TENM3: variants seen among roughly 807,000 people sequenced by gnomAD.
The protein encoded by TENM3 is teneurin transmembrane protein 3, also known as teneurin-3.
TENM3 carries 63 observed loss-of-function variants against 255.1 expected under a neutral mutation model. The observed-to-expected ratio is 0.25, with a 90% confidence interval of 0.20 to 0.30. The LOEUF (loss-of-function observed/expected upper bound fraction) is 0.30, where lower values mean the gene tolerates loss of function less well. Ranked by LOEUF, TENM3 falls within the 10% of genes least tolerant of loss-of-function variation. The pLI is 1.00. For missense variants in TENM3, 2,929 were observed against 3,461.1 expected (o/e 0.85, Z 3.86); for synonymous variants, 1,306 against 1,322.3 (o/e 0.99, Z 0.27).
the TENM3 span, among the ~76,000 whole-genome samples, chr4:181,704,173 C>G: frequency 6.6e-6 from 1 of 152,130 alleles, no homozygotes; most frequent in East Asian, 1.9e-4. Context: ...TAAGCAATCG[C>G]GTTTGTATTT....
the TENM3 span, among the ~76,000 whole-genome samples, chr4:181,605,168 C>G: frequency 6.6e-6 from 1 of 151,456 alleles, no homozygotes; most frequent in Non-Finnish European, 1.5e-5. Flanking sequence ...GCAAACCAGC[C>G]GGCGTGGTGG....
chr4:182,403,483 A>G (rs1769341221), intron 3 of TENM3, among the ~76,000 whole-genome samples: 1 of 152,232 alleles, frequency 6.6e-6, no homozygotes, highest in Admixed American at 6.5e-5. Flanking sequence ...TGTCTCAAAG[A>G]ATTTTAGACA....
the TENM3 span, among the ~76,000 whole-genome samples, chr4:181,476,851 A>G: frequency 6.6e-6 from 1 of 152,192 alleles, no homozygotes. Flanking sequence ...TTTGTGCAGA[A>G]GGACAGTCTC....
At chr4:182,469,612 G>A (rs1042840346) in intron 3 of TENM3, among the ~76,000 whole-genome samples, 1 of 152,032 alleles carries the variant, frequency 6.6e-6, no homozygotes, top group South Asian at 2.1e-4. Context: ...TACTCAGGAG[G>A]CTGAGGCAAG....
At chr4:181,578,500 C>T in the TENM3 span, among the ~76,000 whole-genome samples, 15 of 152,306 alleles carry the variant, frequency 9.8e-5, no homozygotes, top group South Asian at 1.0e-3. Flanking sequence ...GTCCACTGCC[C>T]GCTGCGGAGA....
intron 11 of TENM3, among the ~76,000 whole-genome samples, 182 bp from the exon 12 acceptor site, chr4:182,687,984 T>C (rs998096874): frequency 2.6e-5 from 4 of 152,228 alleles, no homozygotes; most frequent in Admixed American, 2.0e-4. Context: ...AGTTCCACCA[T>C]TGATCATTTC....
chr4:182,326,497 T>C (rs1487964758), intron 2 of TENM3, among the ~76,000 whole-genome samples: 1 of 146,204 alleles, frequency 6.8e-6, no homozygotes, highest in Non-Finnish European at 1.5e-5. Context: ...TATCACCCTT[T>C]GATTTATTGC....
rs544542098 is a variant in TENM3, at chr4:182,586,472, G to A, written c.512-14452G>A. ...TCAAAGCAGCATAAAAGCATATATT[G>A]GGAAGAGGCTTTTAGTGTTGTATAC... On this transcript the variant is annotated intron_variant, in intron 3 of 27. Coordinates refer to ENST00000511685, the MANE Select transcript of TENM3 (RefSeq NM_001080477.4). Among the ~76,000 whole-genome samples the A allele has an allele frequency of 3.9e-5, 6 of 152,114 alleles. No individual in the cohort carries two copies. In the East Asian group the frequency reaches 1.2e-3, roughly 29 times the overall value.
At chr4:182,186,555 G>T (rs28649599) in intron 1 of TENM3, among the ~76,000 whole-genome samples, 14,401 of 150,568 alleles carry the variant, frequency 0.096, 905 homozygotes, top group Admixed American at 0.18. Flanking sequence ...TTTATTACAT[G>T]TTATTTACCG....
intron 3 of TENM3, among the ~76,000 whole-genome samples, chr4:182,592,132 T>C (rs1294790956): frequency 2.0e-5 from 3 of 147,474 alleles, no homozygotes; most frequent in African/African-American, 7.4e-5. Flanking sequence ...TTTCTTCTTT[T>C]TTTTTTTTTT....
At chr4:182,114,635 T>C in the TENM3 span, among the ~76,000 whole-genome samples, 2 of 152,086 alleles carry the variant, frequency 1.3e-5, no homozygotes, top group African/African-American at 4.8e-5. Flanking sequence ...GTAATAAACA[T>C]CTTCTGTTAA....
At chr4:182,577,310 C>T (rs6827864) in intron 3 of TENM3, among the ~76,000 whole-genome samples, 66,867 of 152,016 alleles carry the variant, frequency 0.44, 15,917 homozygotes, top group African/African-American at 0.61. Context: ...AGGAAAGTAT[C>T]TGTTTGACTC....
At chr4:182,570,625 G>A (rs773167278) in intron 3 of TENM3, among the ~76,000 whole-genome samples, 2 of 151,916 alleles carry the variant, frequency 1.3e-5, no homozygotes, top group East Asian at 1.9e-4. Context: ...CAAGGCAGGC[G>A]GATCACGAGG....
chr4:181,684,823 T>G, the TENM3 span, among the ~76,000 whole-genome samples: 5 of 151,738 alleles, frequency 3.3e-5, no homozygotes, highest in Non-Finnish European at 5.9e-5. Flanking sequence ...GGTGCCATCA[T>G]AGCTCACTGC....
At chr4:182,459,698 A>G in intron 3 of TENM3, among the ~76,000 whole-genome samples, 1 of 151,158 alleles carries the variant, frequency 6.6e-6, no homozygotes. Flanking sequence ...TCAAAAATTG[A>G]AAAAAAAATT....
At chr4:181,621,905 G>A in the TENM3 span, among the ~76,000 whole-genome samples, 1 of 152,096 alleles carries the variant, frequency 6.6e-6, no homozygotes, top group Non-Finnish European at 1.5e-5. Context: ...AGAATGAAAG[G>A]CGAGTATCAT....
chr4:182,587,357 C>T (rs1397282875), intron 3 of TENM3, among the ~76,000 whole-genome samples: 1 of 152,064 alleles, frequency 6.6e-6, no homozygotes, highest in Non-Finnish European at 1.5e-5. Flanking sequence ...CACCTGAGGT[C>T]AGGAGTTCAA....
At chr4:182,653,983 T>G in intron 6 of TENM3, 90 bp downstream of exon 6, 1 of 1,309,454 alleles carries the variant, frequency 7.6e-7, no homozygotes, top group Non-Finnish European at 1.0e-6. Context: ...CTAGTTTAGA[T>G]GGAACAGGGA....
chr4:182,021,063 C>A, the TENM3 span, among the ~76,000 whole-genome samples: 1 of 152,060 alleles, frequency 6.6e-6, no homozygotes, highest in Non-Finnish European at 1.5e-5. Flanking sequence ...ACCACAGTAC[C>A]CCACAGGAAC....
Sources: allele counts gnomAD v4.1 joint callset (sites outside exome capture counted in the v4.1 genomes callset), GRCh38; gene constraint gnomAD v4.1.1; transcripts MANE v1.5; gene names NCBI Gene and HGNC (gene_info 2026-07-23, HGNC 2026-07-21).